The following ITM2C variants were observed in gnomAD, a reference collection of about 807,000 sequenced individuals.
ITM2C encodes the protein BRICHOS domain containing 2C.
Under a neutral mutation model 30.0 loss-of-function variants are expected in ITM2C, and 20 were observed. The observed-to-expected ratio is 0.67, with a 90% CI of 0.47 to 0.97. The LOEUF (loss-of-function observed/expected upper bound fraction) is 0.97, where lower values mean the gene tolerates loss of function less well. ITM2C is among the 50% of genes least tolerant of loss of function. The pLI, the probability that ITM2C is intolerant of heterozygous loss-of-function variation, is 0.00. For missense variants in ITM2C, 366 were observed against 371.9 expected (o/e 0.98, Z 0.13); for synonymous variants, 167 against 156.4 (o/e 1.07, Z -0.51).
chr2:230,872,149 G>A (rs1697182070), intron 1 of ITM2C, among the ~76,000 whole-genome samples: 1 of 152,242 alleles, frequency 6.6e-6, no homozygotes, highest in Non-Finnish European at 1.5e-5. Flanking sequence ...TAGTGGCAGA[G>A]CCAGAATGAG....
intron 3 of ITM2C, among the ~76,000 whole-genome samples, chr2:230,876,376 AG>A (rs991050948): frequency 6.6e-6 from 1 of 152,208 alleles, no homozygotes; most frequent in Non-Finnish European, 1.5e-5. Flanking sequence ...AGAGAAGACC[AG>A]GAAAAGGGAG....
In ITM2C at chr2:230,868,264, C is replaced by T. The variant is rs73096764; in HGVS notation, c.120+3119C>T. On this transcript the variant is annotated intron_variant, in intron 1 of 5. Transcript: ENST00000326427. ...GGCTTCCAGCTGCCCGGCCTCCCCC[C>T]CTGGTGTTTTGACTCTGAGATAATG... is the stretch of plus-strand genomic sequence containing the variant. Among the ~76,000 whole-genome samples, 1,317 of 152,150 alleles carry T rather than the reference C, an allele frequency of 8.7e-3. 23 individuals carry two copies. Among genetic ancestry groups the T allele is most frequent in the African/African-American group, 0.03 (1,247 of 41,472 alleles).
intron 1 of ITM2C, 115 bp from the exon 2 acceptor site, chr2:230,873,302 C>A: frequency 1.9e-6 from 2 of 1,064,210 alleles, no homozygotes; most frequent in East Asian, 2.8e-5. Context: ...TCCTTCCCTC[C>A]CTTTCCCCCA....
rs888398766 is a variant in ITM2C at position 230,864,975 on chromosome 2, C to G, written c.-51C>G. The G allele has an allele frequency of 1.4e-6, 2 of 1,399,932 alleles. No individual in the cohort carries two copies. Among genetic ancestry groups the G allele is most frequent in the Non-Finnish European group, 1.9e-6 (2 of 1,065,832 alleles). The allele number at this position is 1,399,932 out of a possible 1,614,324, so 86.7% of individuals were successfully genotyped here. The stretch of plus-strand genomic sequence containing the variant: ...AGCTCGGAGCGGCGGAGGCAGAGAC[C>G]GAGGCTGCACCGGCAGAGGCTGCGG... On this transcript the variant is annotated 5_prime_UTR_variant, in exon 1 of 6. Coordinates refer to ENST00000326427, the MANE Select transcript of ITM2C (RefSeq NM_030926.6). The surrounding 1 kb of genome is among the most constrained non-coding windows in gnomAD (Gnocchi z 4.3).
Position 230,873,509 on chromosome 2 carries a change from C to T in ITM2C, c.213C>T (p.Gly71=). Residue 71 remains glycine, a synonymous_variant, in exon 2 of 6, where the codon GGC becomes GGT. Coordinates refer to ENST00000326427, the MANE Select transcript of ITM2C (RefSeq NM_030926.6). Reference sequence around the variant, plus strand: ...TGGGCATGGTCGTGCTGCTCATGGGCCTCGTGTTCGCCTCTGTCTACATCT... The same window carrying T: ...TGGGCATGGTCGTGCTGCTCATGGGTCTCGTGTTCGCCTCTGTCTACATCT... ...LSMGMVVLLM[G]LVFASVYIYR... 6.2e-7 allele frequency: 1 copy of T among 1,611,086 alleles called. No homozygotes were observed. The highest frequency in any genetic ancestry group is 8.5e-7 in the Non-Finnish European group (1 of 1,178,700).
At chr2:230,867,998 CGGTGAACAGATGAT>C (rs1697071041) in intron 1 of ITM2C, among the ~76,000 whole-genome samples, 1 of 43,398 alleles carries the variant, frequency 2.3e-5, no homozygotes, top group African/African-American at 5.8e-5. Flanking sequence ...GAGGAGCACT[CGGTGAACAGATGAT>C]TGTGCGGTGA....
intron 1 of ITM2C, among the ~76,000 whole-genome samples, chr2:230,869,756 C>T (rs1383334606): frequency 6.6e-6 from 1 of 152,228 alleles, no homozygotes; most frequent in African/African-American, 2.4e-5. Context: ...TGGTTTCCCC[C>T]TGACCATTTT....
Position 230,865,117 on chromosome 2 carries a change from C to T in ITM2C, c.92C>T (p.Ala31Val), listed in dbSNP as rs1696993421. Residue 31 changes from alanine (A) to valine (V), a missense_variant, in exon 1 of 6, where the codon GCC (alanine) becomes GTC (valine). Ala to Val is a moderately conservative substitution (Grantham distance 64). Transcript: ENST00000326427. The surrounding 1 kb of genome is among the most constrained non-coding windows in gnomAD (Gnocchi z 6.8). ...GCGTCGGCCCCTGCGCCGGCCTCGG[C>T]CACCGAGATCCTGCTGACGCCGGCT... is the stretch of plus-strand genomic sequence containing the variant. ...ASASAPAPASATEILLTPARE... is the reference protein window; with the variant it reads ...ASASAPAPASVTEILLTPARE... The T allele has an allele frequency of 1.3e-6, 2 of 1,499,894 alleles. No individual in the cohort carries two copies. The highest frequency in any genetic ancestry group is 1.8e-6 in the Non-Finnish European group (2 of 1,117,854). 92.9% of individuals were successfully genotyped at this position (1,499,894 alleles called of 1,614,324 possible). A position where few individuals can be genotyped will look rare whatever the true frequency, so the allele number is the denominator to read the frequency against.
intron 1 of ITM2C, among the ~76,000 whole-genome samples, chr2:230,869,052 G>A (rs763911412): frequency 6.6e-6 from 1 of 152,226 alleles, no homozygotes; most frequent in Non-Finnish European, 1.5e-5. Flanking sequence ...GTGAGGATGA[G>A]TTTCTCTTAG....
rs761299176 is a variant in ITM2C, at chr2:230,873,520, CCT to C, written c.227_228del (p.Ser76CysfsTer16). ...GTGCTGCTCATGGGCCTCGTGTTCG[CCT>C]CTGTCTACATCTACAGATACTTCTT... On this transcript the variant is annotated frameshift_variant, in exon 2 of 6. Coordinates refer to ENST00000326427, the MANE Select transcript of ITM2C (RefSeq NM_030926.6). LOFTEE classifies it high-confidence loss of function. The C allele has an allele frequency of 6.2e-7, 1 of 1,610,476 alleles. No individual in the cohort carries two copies. Among genetic ancestry groups the C allele is most frequent in the Non-Finnish European group, 8.5e-7 (1 of 1,178,560 alleles).
At chr2:230,870,702 C>G (rs562980724) in intron 1 of ITM2C, among the ~76,000 whole-genome samples, 2 of 152,348 alleles carry the variant, frequency 1.3e-5, no homozygotes, top group Admixed American at 6.5e-5. Context: ...CAGCCCCTCC[C>G]CCAGGACAGG....
chr2:230,876,912 A>G lies in ITM2C; in HGVS notation c.506A>G (p.Asn169Ser), dbSNP rs1228839504. The G allele has an allele frequency of 1.9e-6, 3 of 1,613,934 alleles. No homozygotes were observed. The highest frequency in any genetic ancestry group is 8.5e-7 in the Non-Finnish European group (1 of 1,179,962). Reference sequence around the variant, plus strand: ...GACAAGTGCTATGTCATCGAACTCAACACCACCATTGTGCTGCCCCCTCGC... The same window carrying G: ...GACAAGTGCTATGTCATCGAACTCAGCACCACCATTGTGCTGCCCCCTCGC... ...SLDKCYVIEL[N>S]TTIVLPPRNF... Residue 169 changes from asparagine to serine, a missense_variant, in exon 4 of 6, where the codon AAC becomes AGC. By Grantham distance (46) the Asn-to-Ser change is conservative. Coordinates refer to ENST00000326427, the MANE Select transcript of ITM2C (RefSeq NM_030926.6).
intron 3 of ITM2C, 22 bp downstream of exon 3, chr2:230,875,830 G>T: frequency 4.7e-6 from 2 of 423,578 alleles, no homozygotes; most frequent in South Asian, 1.9e-5. Context: ...CAGGGCCTGG[G>T]GGTGGGGGGT....
Position 230,875,759 on chromosome 2 carries a change from C to T in ITM2C, c.401C>T (p.Pro134Leu). ...TACGAGCGCATCAACGTGCCTGTGC[C>T]CCAGTTTGGCGGCGGTGACCCTGCA... is the stretch of plus-strand genomic sequence containing the variant. ...ENYERINVPV[P>L]QFGGGDPADI... is the part of the protein sequence containing the mutation. The change falls in exon 3 of 6, where the codon CCC (proline) becomes CTC (leucine). Residue 134 changes from proline (P) to leucine (L), a missense_variant. By Grantham distance (98) the Pro-to-Leu change is moderately conservative. Transcript: ENST00000326427. 2.5e-6 allele frequency: 4 copies of T among 1,612,784 alleles called. No individual in the cohort carries two copies. Among genetic ancestry groups the T allele is most frequent in the Non-Finnish European group, 3.4e-6 (4 of 1,179,690 alleles).
Position 230,876,962 on chromosome 2 carries a change from G to A in ITM2C, c.556G>A (p.Val186Met), listed in dbSNP as rs202233918. 4 of 1,606,558 alleles carry A rather than the reference G, an allele frequency of 2.5e-6. No homozygotes were observed. The highest frequency in any genetic ancestry group is 1.1e-5 in the South Asian group (1 of 90,930). Residue 186 changes from valine to methionine, a missense_variant, in exon 4 of 6, where the codon GTG becomes ATG. Coordinates refer to ENST00000326427, the MANE Select transcript of ITM2C (RefSeq NM_030926.6). ...CAACTTCTGGGAGCTCCTCATGAACGTGAAGGTGCGCAGGGGGTTGGGGGG... is the reference window on the plus strand; with the variant it reads ...CAACTTCTGGGAGCTCCTCATGAACATGAAGGTGCGCAGGGGGTTGGGGGG... ...PRNFWELLMN[V>M]KRGTYLPQTY...
At chr2:230,872,305 C>G (rs541154910) in intron 1 of ITM2C, among the ~76,000 whole-genome samples, 1 of 152,188 alleles carries the variant, frequency 6.6e-6, no homozygotes, top group African/African-American at 2.4e-5. Context: ...AGACTGGCCC[C>G]GGGGCTTTTG....
Position 230,876,977 on chromosome 2 carries a change from G to A in ITM2C, c.561+10G>A. On this transcript the variant is annotated intron_variant, in intron 4 of 5. Transcript: ENST00000326427. Reference sequence around the variant, plus strand: ...CCTCATGAACGTGAAGGTGCGCAGGGGGTTGGGGGGATGTCTGCAGCATCC... The same window carrying A: ...CCTCATGAACGTGAAGGTGCGCAGGAGGTTGGGGGGATGTCTGCAGCATCC... 5 of 1,571,564 alleles carry A rather than the reference G, an allele frequency of 3.2e-6. No individual in the cohort carries two copies. The South Asian group carries it at 3.3e-5, about 10-fold the overall frequency.
In ITM2C at chr2:230,876,981, T is replaced by A. The variant is rs1247022914; in HGVS notation, c.561+14T>A. 6.5e-7 allele frequency: 1 copy of A among 1,549,912 alleles called. No individual in the cohort carries two copies. Among genetic ancestry groups the A allele is most frequent in the Non-Finnish European group, 8.9e-7 (1 of 1,122,124 alleles). ...ATGAACGTGAAGGTGCGCAGGGGGT[T>A]GGGGGGATGTCTGCAGCATCCTGTC... On this transcript the variant is annotated intron_variant, in intron 4 of 5. Transcript: ENST00000326427.
chr2:230,873,309 C>T lies in ITM2C; in HGVS notation c.121-108C>T, dbSNP rs943766455. The T allele has an allele frequency of 3.4e-6, 4 of 1,171,274 alleles. No individual in the cohort carries two copies. In the African/African-American group the frequency reaches 6.2e-5, roughly 18 times the overall value. The allele number at this position is 1,171,274 out of a possible 1,614,324, so 72.6% of individuals were successfully genotyped here. A position where few individuals can be genotyped will look rare whatever the true frequency, so the allele number is the denominator to read the frequency against. On this transcript the variant is annotated intron_variant, in intron 1 of 5. Transcript: ENST00000326427. Reference sequence around the variant, plus strand: ...GTGTCATCTCCTTCCCTCCCTTTCCCCCAAGACTCCCTCCGGGCCCAGCCA... The same window carrying T: ...GTGTCATCTCCTTCCCTCCCTTTCCTCCAAGACTCCCTCCGGGCCCAGCCA...
Sources: gnomAD v4.1 joint callset for allele counts (sites outside exome capture counted in the v4.1 genomes callset) on GRCh38, gnomAD v4.1.1 for gene constraint, Gnocchi (gnomAD v3.1) non-coding constraint, MANE v1.5 for transcripts, NCBI Gene and HGNC (gene_info 2026-07-23, HGNC 2026-07-21) for gene names.